The following PCDHGB1 variants were observed in gnomAD, a reference collection of about 807,000 sequenced individuals.
The protein encoded by PCDHGB1 is protocadherin gamma subfamily B, 1.
In PCDHGB1, 34 loss-of-function variants were observed where a neutral mutation model predicts 56.6. The ratio of observed to expected loss-of-function variants is 0.60; its 90% CI spans 0.46 to 0.80. The LOEUF (loss-of-function observed/expected upper bound fraction) is 0.80, where lower values mean the gene tolerates loss of function less well. Ranked by LOEUF, PCDHGB1 falls within the 30% of genes least tolerant of loss-of-function variation. The pLI is 0.00. For synonymous variants in PCDHGB1, 561 were observed against 505.9 expected (o/e 1.11, Z -1.46); for missense variants, 1,278 against 1,204.6 (o/e 1.06, Z -0.90).
chr5:141,422,508 C>T (rs2096653251), intron 1 of PCDHGB1: 1 of 1,613,984 alleles, frequency 6.2e-7, no homozygotes, highest in Non-Finnish European at 8.5e-7. Flanking sequence ...CAGCCACAGA[C>T]CAGGGAAGCC....
chr5:141,375,714 G>C, intron 1 of PCDHGB1: 1 of 1,614,262 alleles, frequency 6.2e-7, no homozygotes, highest in Non-Finnish European at 8.5e-7. Context: ...CCTCTTAGCA[G>C]CAACGTGTCA....
At chr5:141,418,381 T>C in intron 1 of PCDHGB1, 3 of 1,613,998 alleles carry the variant, frequency 1.9e-6, no homozygotes, top group Non-Finnish European at 2.5e-6. Flanking sequence ...AACTAAGTCC[T>C]AACGAGTATT....
chr5:141,371,824 C>G, intron 1 of PCDHGB1: 1 of 1,613,844 alleles, frequency 6.2e-7, no homozygotes, highest in Non-Finnish European at 8.5e-7. Flanking sequence ...GTCAGAGCCT[C>G]GGATCCCGAC....
Position 141,375,794 on chromosome 5 carries a change from G to C in PCDHGB1, c.2409+23125G>C, listed in dbSNP as rs754100940. On this transcript the variant is annotated intron_variant, in intron 1 of 3. Transcript: ENST00000523390. Reference sequence around the variant, plus strand: ...CCTGTACCCCGCCCTCCCCACAGACGGTTCCACTGGCGTGGAGCTGGCGCC... The same window carrying C: ...CCTGTACCCCGCCCTCCCCACAGACCGTTCCACTGGCGTGGAGCTGGCGCC... 33 of 1,614,052 alleles carry C rather than the reference G, an allele frequency of 2.0e-5. No individual in the cohort carries two copies. Among genetic ancestry groups the C allele is most frequent in the Non-Finnish European group, 2.4e-5 (28 of 1,180,026 alleles).
chr5:141,412,301 T>C (rs925243467), intron 1 of PCDHGB1: 3 of 152,260 alleles, frequency 2.0e-5, no homozygotes, highest in Non-Finnish European at 2.9e-5. Context: ...TCTTTTCTCA[T>C]TACAATGCAA....
At chr5:141,400,166 C>T (rs370071207) in intron 1 of PCDHGB1, 80 of 1,613,954 alleles carry the variant, frequency 5.0e-5, no homozygotes, top group South Asian at 7.7e-5. Context: ...CCCTCTGACC[C>T]CCAGGCTGAG....
At chr5:141,494,326 G>C (rs2154591458) in intron 1 of PCDHGB1, among the ~76,000 whole-genome samples, 1 of 152,312 alleles carries the variant, frequency 6.6e-6, no homozygotes, top group Middle Eastern at 3.4e-3. Context: ...GGCACCAAAA[G>C]GGTTACCAAG....
intron 2 of PCDHGB1, among the ~76,000 whole-genome samples, chr5:141,504,008 C>G (rs2099835164): frequency 6.6e-6 from 1 of 152,208 alleles, no homozygotes; most frequent in South Asian, 2.1e-4. Flanking sequence ...ACTTAACTGT[C>G]TCTGCTGGTC....
chr5:141,400,462 G>T lies in PCDHGB1; in HGVS notation c.2409+47793G>T, dbSNP rs141917215. 2.3e-4 allele frequency: 379 copies of T among 1,614,062 alleles called. 2 individuals carry two copies. The African/African-American group carries it at 4.7e-3, about 20-fold the overall frequency. The stretch of plus-strand genomic sequence containing the variant: ...TTCAGGACAAGACATACTTTGTGGT[G>T]ATTCATCTGGGGCCTTATTTCCACT... On this transcript the variant is annotated intron_variant, in intron 1 of 3. Transcript: ENST00000523390.
At position 141,485,789 on chromosome 5, in the gene PCDHGB1, T is replaced by G. The variant is rs1276069810; in HGVS notation, c.2410-9018T>G. The G allele has an allele frequency of 1.2e-6, 2 of 1,613,978 alleles. No individual in the cohort carries two copies. The highest frequency in any genetic ancestry group is 1.7e-6 in the Non-Finnish European group (2 of 1,180,030). On this transcript the variant is annotated intron_variant, in intron 1 of 3. Coordinates refer to ENST00000523390, the MANE Select transcript of PCDHGB1 (RefSeq NM_018922.3). This position sits in a 1 kb window ranked among gnomAD's most constrained non-coding sequence, Gnocchi z 5.7. ...GAAGCCTTTGGATCGAGAGAAGCAATCGGACTACCGCCTGGTGCTGACTGC... is the reference window on the plus strand; with the variant it reads ...GAAGCCTTTGGATCGAGAGAAGCAAGCGGACTACCGCCTGGTGCTGACTGC...
chr5:141,458,888 T>C (rs756640295), intron 1 of PCDHGB1, among the ~76,000 whole-genome samples: 3 of 152,118 alleles, frequency 2.0e-5, no homozygotes, highest in Non-Finnish European at 2.9e-5. Flanking sequence ...ATGCACACCA[T>C]GCGCAGCTAA....
chr5:141,444,997 A>G (rs2154560871), intron 1 of PCDHGB1, among the ~76,000 whole-genome samples: 1 of 152,292 alleles, frequency 6.6e-6, no homozygotes, highest in Admixed American at 6.5e-5. Context: ...ATATATTTCC[A>G]TTTAATTAGG....
At chr5:141,400,665 G>C (rs1463001564) in intron 1 of PCDHGB1, 5 of 984,364 alleles carry the variant, frequency 5.1e-6, no homozygotes, top group Non-Finnish European at 7.6e-6. Flanking sequence ...CATTCTTTAA[G>C]AGGAGCAGTA....
chr5:141,389,576 G>C, intron 1 of PCDHGB1: 1 of 1,613,196 alleles, frequency 6.2e-7, no homozygotes, highest in East Asian at 2.2e-5. Context: ...TGTACCCCGC[G>C]CTGGGTCCCG....
rs768206517 is a variant in PCDHGB1, at chr5:141,432,482, G to A, written c.2410-62325G>A. 10 of 1,614,060 alleles carry A rather than the reference G, an allele frequency of 6.2e-6. No homozygotes were observed. The highest frequency in any genetic ancestry group is 1.3e-5 in the African/African-American group (1 of 74,946). On this transcript the variant is annotated intron_variant, in intron 1 of 3. Coordinates refer to ENST00000523390, the MANE Select transcript of PCDHGB1 (RefSeq NM_018922.3). The surrounding 1 kb of genome is among the most constrained non-coding windows in gnomAD (Gnocchi z 6.0). ...CCTCCCCACGGACGGTTCCACTGGC[G>A]TGGAGCTGGCTCCCCGCTCCGCAGA...
intron 1 of PCDHGB1, chr5:141,390,888 G>A (rs1420100403): frequency 6.7e-6 from 1 of 149,538 alleles, no homozygotes; most frequent in African/African-American, 2.4e-5. Context: ...GTGTGTGTGT[G>A]AGAGAGATCC....
rs756476818 is a variant in PCDHGB1 at position 141,431,027 on chromosome 5, A to G, written c.2410-63780A>G. The G allele has an allele frequency of 6.2e-6, 10 of 1,614,034 alleles. No homozygotes were observed. The highest frequency in any genetic ancestry group is 1.1e-5 in the South Asian group (1 of 91,078). On this transcript the variant is annotated intron_variant, in intron 1 of 3. Coordinates refer to ENST00000523390, the MANE Select transcript of PCDHGB1 (RefSeq NM_018922.3). This position sits in a 1 kb window ranked among gnomAD's most constrained non-coding sequence, Gnocchi z 4.8. ...CGGCAGCTTGGTCACGGCGGGCAGG[A>G]TAGACCGGGAGGAGCTCTGTATGGG...
chr5:141,423,609 A>G lies in PCDHGB1; in HGVS notation c.2409+70940A>G, dbSNP rs748925693. The G allele has an allele frequency of 5.0e-6, 8 of 1,611,572 alleles. No homozygotes were observed. The South Asian group carries it at 7.7e-5, about 16-fold the overall frequency. ...GTGAGAAAAGCGAGCCACTCTTGAT[A>G]GCTGAAGACTCAGCTATCATTTTAG... On this transcript the variant is annotated intron_variant, in intron 1 of 3. Transcript: ENST00000523390.
chr5:141,359,502 A>G (rs780869952), intron 1 of PCDHGB1, among the ~76,000 whole-genome samples: 11 of 151,356 alleles, frequency 7.3e-5, no homozygotes, highest in Middle Eastern at 3.4e-3. Flanking sequence ...GGACTACTAG[A>G]TAACTATATT....
Sources: gnomAD v4.1 joint callset for allele counts (sites outside exome capture counted in the v4.1 genomes callset) on GRCh38, gnomAD v4.1.1 for gene constraint, Gnocchi (gnomAD v3.1) non-coding constraint, MANE v1.5 for transcripts, NCBI Gene and HGNC (gene_info 2026-07-23, HGNC 2026-07-21) for gene names.